SECTM1: variants seen among roughly 807,000 people sequenced by gnomAD.
SECTM1 encodes the protein secreted and transmembrane protein 1.
A neutral mutation model predicts 18.1 loss-of-function variants in SECTM1; 10 were observed. The ratio of observed to expected loss-of-function variants is 0.55; its 90% CI spans 0.34 to 0.94. SECTM1 has a LOEUF of 0.94. Among genes scored for constraint, SECTM1 ranks in the 40% least tolerant of loss-of-function variants. The pLI is 0.02. For synonymous variants in SECTM1, 137 were observed against 139.2 expected (o/e 0.98, Z 0.11); for missense variants, 297 against 322.6 (o/e 0.92, Z 0.61).
Position 82,325,071 on chromosome 17 carries a change from A to C in SECTM1, c.95-181T>G, listed in dbSNP as rs1445937824. Among the ~76,000 whole-genome samples, 2 of 152,128 alleles carry C rather than the reference A, an allele frequency of 1.3e-5. No homozygotes were observed. The highest frequency in any genetic ancestry group is 2.1e-4 in the South Asian group (1 of 4,822). On this transcript the variant is annotated intron_variant, in intron 2 of 4. Transcript: ENST00000269389. The surrounding 1 kb of genome is among the most constrained non-coding windows in gnomAD (Gnocchi z 7.6). Reference sequence around the variant, plus strand: ...CTCGTGTGGGAAGAATAAAATAGCAACAAAAAAGACGGGTGGCTCTGTGTG... The same window carrying C: ...CTCGTGTGGGAAGAATAAAATAGCACCAAAAAAGACGGGTGGCTCTGTGTG...
rs116185268 is a variant in SECTM1, at chr17:82,328,974, G to A, written c.-52-1682C>T. Among the ~76,000 whole-genome samples, 293 of 152,302 alleles carry A rather than the reference G, an allele frequency of 1.9e-3. 1 individual carries two copies. Among genetic ancestry groups the A allele is most frequent in the Middle Eastern group, 0.014 (4 of 294 alleles). On this transcript the variant is annotated intron_variant, in intron 1 of 4. Transcript: ENST00000269389. This position sits in a 1 kb window ranked among gnomAD's most constrained non-coding sequence, Gnocchi z 5.8. ...GAACTCTGTAAAGCGACCTTCAGAC[G>A]TGCTATTTATAGATGTCTATAGATT...
intron 2 of SECTM1, 104 bp downstream of exon 2, chr17:82,327,043 G>T (rs185040784): frequency 1.2e-6 from 1 of 822,864 alleles, no homozygotes; most frequent in Non-Finnish European, 2.0e-6. Context: ...ATTATCGGGG[G>T]TCTGGTGGCA....
chr17:82,327,559 A>T (rs2052157327), intron 1 of SECTM1, among the ~76,000 whole-genome samples: 1 of 152,202 alleles, frequency 6.6e-6, no homozygotes, highest in African/African-American at 2.4e-5. Context: ...CTTGCGGGTC[A>T]GCCCTTTTGT....
chr17:82,324,898 G>T lies in SECTM1; in HGVS notation c.95-8C>A. 1 of 1,604,380 alleles carries T rather than the reference G, an allele frequency of 6.2e-7. No individual in the cohort carries two copies. The highest frequency in any genetic ancestry group is 8.5e-7 in the Non-Finnish European group (1 of 1,174,182). Reference sequence around the variant, plus strand: ...AGATGGGGCTGTCCCAGCCTGTAGGGCCAGACAGAGGCACACACGGATCAG... The same window carrying T: ...AGATGGGGCTGTCCCAGCCTGTAGGTCCAGACAGAGGCACACACGGATCAG... On this transcript the variant is annotated splice_region_variant and splice_polypyrimidine_tract_variant and intron_variant, in intron 2 of 4. Transcript: ENST00000269389.
intron 1 of SECTM1, among the ~76,000 whole-genome samples, chr17:82,331,866 G>A (rs1054720981): frequency 3.3e-5 from 5 of 152,366 alleles, no homozygotes; most frequent in Middle Eastern, 3.4e-3. Flanking sequence ...TGGGCCGGGC[G>A]CGGTGGCGCA....
chr17:82,333,367 G>T (rs1167651089), intron 1 of SECTM1, among the ~76,000 whole-genome samples: 2 of 152,148 alleles, frequency 1.3e-5, no homozygotes, highest in Non-Finnish European at 2.9e-5. Flanking sequence ...GGCGCACAGG[G>T]CAGGGACGCG....
At chr17:82,332,056 C>A (rs942119458) in intron 1 of SECTM1, among the ~76,000 whole-genome samples, 1 of 152,194 alleles carries the variant, frequency 6.6e-6, no homozygotes, top group East Asian at 1.9e-4. Context: ...GCAGGAGAAT[C>A]GCTTGAACCA....
intron 3 of SECTM1, 143 bp from the exon 4 acceptor site, chr17:82,323,154 A>G: frequency 2.0e-6 from 2 of 1,004,118 alleles, no homozygotes; most frequent in South Asian, 1.7e-5. Flanking sequence ...GTTGCCCAGG[A>G]GGTACAGGGG....
intron 3 of SECTM1, among the ~76,000 whole-genome samples, chr17:82,323,573 T>C (rs1379238143): frequency 1.3e-5 from 2 of 148,916 alleles, no homozygotes; most frequent in Non-Finnish European, 3.0e-5. Context: ...GTGGGTTTGG[T>C]GACTAGAGGG....
chr17:82,323,147 G>T, intron 3 of SECTM1, 136 bp from the exon 4 acceptor site: 1 of 1,069,656 alleles, frequency 9.3e-7, no homozygotes, highest in Non-Finnish European at 1.3e-6. Flanking sequence ...CACCGCCGTT[G>T]CCCAGGAGGT....
chr17:82,324,887 C>T lies in SECTM1; in HGVS notation c.98G>A (p.Trp33Ter). The T allele has an allele frequency of 1.9e-6, 3 of 1,608,620 alleles. No individual in the cohort carries two copies. Among genetic ancestry groups the T allele is most frequent in the Non-Finnish European group, 2.5e-6 (3 of 1,176,590 alleles). The part of the protein sequence containing the change: ...AASLSAQNEG[W>*]DSPICTEGVV... ...CCCCTCTGTGCAGATGGGGCTGTCC[C>T]AGCCTGTAGGGCCAGACAGAGGCAC... The change falls in exon 3 of 5, where the codon TGG becomes TAG. Residue 33 changes from tryptophan (W) to a stop codon, truncating the protein, a stop_gained. Coordinates refer to ENST00000269389, the MANE Select transcript of SECTM1 (RefSeq NM_003004.3). LOFTEE classifies it high-confidence loss of function.
chr17:82,327,106 C>A (rs1393304856), intron 2 of SECTM1, 41 bp downstream of exon 2: 2 of 1,498,142 alleles, frequency 1.3e-6, no homozygotes, highest in Admixed American at 1.9e-5. Context: ...CCCCACCGGG[C>A]CCCCCTTTCC....
chr17:82,324,303 C>T (rs1047196505), intron 3 of SECTM1, among the ~76,000 whole-genome samples: 5 of 151,996 alleles, frequency 3.3e-5, no homozygotes, highest in African/African-American at 7.3e-5. Flanking sequence ...TGTGGGACTC[C>T]GGCTGCCCTC....
chr17:82,333,061 G>A (rs2052204724), intron 1 of SECTM1, among the ~76,000 whole-genome samples: 1 of 152,254 alleles, frequency 6.6e-6, no homozygotes. Context: ...GGGCCTGCCG[G>A]GTGAGGGAAG....
intron 1 of SECTM1, 47 bp from the exon 2 acceptor site, chr17:82,327,339 A>C: frequency 8.8e-7 from 1 of 1,138,726 alleles, no homozygotes; most frequent in Non-Finnish European, 1.3e-6. Flanking sequence ...CAGCTGCTGA[A>C]GGGGACAGCG....
rs1487557101 is a variant in SECTM1, at chr17:82,322,842, C to G, written c.537+36G>C. ...CCTGGGGCAGCCCCACCCAAGACTC[C>G]CCACCCCGCACAAACTGGGGTGCAG... On this transcript the variant is annotated intron_variant, in intron 4 of 4. Transcript: ENST00000269389. The G allele has an allele frequency of 1.9e-6, 3 of 1,610,466 alleles. No homozygotes were observed. In the African/African-American group the frequency reaches 4.0e-5, roughly 22 times the overall value.
At position 82,326,617 on chromosome 17, in the gene SECTM1, A is replaced by AAAAAGAAAAG. The variant is rs1374150192; in HGVS notation, c.94+529_94+530insCTTTTCTTTT. The stretch of plus-strand genomic sequence containing the variant: ...ATAGAGGTAGAACCCGTCTCAAAAA[A>AAAAAGAAAAG]AAAAGATAAGAAAAGAAAAGCCCCT... On this transcript the variant is annotated intron_variant, in intron 2 of 4. Transcript: ENST00000269389. This position sits in a 1 kb window ranked among gnomAD's most constrained non-coding sequence, Gnocchi z 4.3. 1.7e-4 allele frequency among the ~76,000 whole-genome samples: 12 copies of AAAAAGAAAAG among 72,474 alleles called. No individual in the cohort carries two copies. The East Asian group carries it at 2.2e-3, about 13-fold the overall frequency. 47.5% of individuals were successfully genotyped at this position (72,474 alleles called of 152,430 possible).
rs553552170 is a variant in SECTM1, at chr17:82,331,095, C to T, written c.-53+2605G>A. 7.9e-5 allele frequency among the ~76,000 whole-genome samples: 12 copies of T among 152,238 alleles called. No individual in the cohort carries two copies. The South Asian group carries it at 2.1e-3, about 26-fold the overall frequency. On this transcript the variant is annotated intron_variant, in intron 1 of 4. Coordinates refer to ENST00000269389, the MANE Select transcript of SECTM1 (RefSeq NM_003004.3). ...CCCTTGTCCAGCCAGGGGTGAAGGG[C>T]GGCAAGGGATGGGCTGGAGGGTACT...
chr17:82,324,917 G>A (rs750475328), intron 2 of SECTM1, 27 bp from the exon 3 acceptor site: 28 of 1,590,524 alleles, frequency 1.8e-5, no homozygotes, highest in Middle Eastern at 1.7e-4. Context: ...AGGCACACAC[G>A]GATCAGGGCT....
Sources: gnomAD v4.1 joint callset for allele counts (sites outside exome capture counted in the v4.1 genomes callset) on GRCh38, gnomAD v4.1.1 for gene constraint, Gnocchi (gnomAD v3.1) non-coding constraint, MANE v1.5 for transcripts, NCBI Gene and HGNC (gene_info 2026-07-23, HGNC 2026-07-21) for gene names.